The following DPP6 variants were observed in gnomAD, a reference collection of about 807,000 sequenced individuals.
DPP6 encodes the protein A-type potassium channel modulatory protein DPP6.
Under a neutral mutation model 122.6 loss-of-function variants are expected in DPP6, and 69 were observed. The observed-to-expected ratio is 0.56, with a 90% CI of 0.46 to 0.69. The LOEUF is 0.69. Ranked by LOEUF, DPP6 falls within the 30% of genes least tolerant of loss-of-function variation. DPP6 has a pLI of 0.00. For missense variants in DPP6, 928 were observed against 1,116.9 expected, an observed-to-expected ratio of 0.83 and a Z score of 2.41; for synonymous variants, 418 against 433.1, an observed-to-expected ratio of 0.97 and a Z score of 0.43.
intron 3 of DPP6, among the ~76,000 whole-genome samples, chr7:154,527,252 T>A (rs1472111): frequency 0.2 from 30,554 of 152,114 alleles, 3,566 homozygotes; most frequent in Non-Finnish European, 0.27. Flanking sequence ...TCTTGGCCAG[T>A]GGGAGCCTCT....
chr7:153,824,992 G>C, the DPP6 span, among the ~76,000 whole-genome samples: 39 of 151,976 alleles, frequency 2.6e-4, 1 homozygote, highest in Admixed American at 2.4e-3. Context: ...AGAACAGTAA[G>C]AGGGGAGGCA....
intron 1 of DPP6, among the ~76,000 whole-genome samples, chr7:153,959,721 T>A (rs1795249627): frequency 6.6e-6 from 1 of 152,258 alleles, no homozygotes; most frequent in South Asian, 2.1e-4. Context: ...TCACCTTCTA[T>A]GCAGACCACT....
intron 1 of DPP6, among the ~76,000 whole-genome samples, chr7:154,437,607 G>A (rs1276482500): frequency 6.6e-6 from 1 of 152,186 alleles, no homozygotes; most frequent in East Asian, 1.9e-4. Flanking sequence ...CAAAGAAAAT[G>A]TATACATCAA....
At chr7:154,511,538 T>G (rs969406229) in intron 3 of DPP6, among the ~76,000 whole-genome samples, 1 of 152,298 alleles carries the variant, frequency 6.6e-6, no homozygotes, top group Middle Eastern at 3.4e-3. Context: ...TACAGAACCA[T>G]TGTAAATAAT....
chr7:153,926,558 A>T (rs1441617378), intron 1 of DPP6, among the ~76,000 whole-genome samples: 2 of 152,152 alleles, frequency 1.3e-5, no homozygotes, highest in Non-Finnish European at 2.9e-5. Flanking sequence ...AAGAGGTGTG[A>T]TGGAAGTTGA....
chr7:154,160,560 G>A (rs1240677210), intron 1 of DPP6, among the ~76,000 whole-genome samples: 3 of 152,164 alleles, frequency 2.0e-5, no homozygotes, highest in Admixed American at 6.5e-5. Flanking sequence ...ACACATGGCC[G>A]TGAGAGGATG....
At chr7:154,410,465 G>A (rs1161593629) in intron 1 of DPP6, among the ~76,000 whole-genome samples, 1 of 152,124 alleles carries the variant, frequency 6.6e-6, no homozygotes, top group African/African-American at 2.4e-5. Flanking sequence ...TTTCATTTAT[G>A]AGGCAGATGA....
chr7:154,138,948 C>T (rs1323585429), intron 1 of DPP6, among the ~76,000 whole-genome samples: 1 of 152,080 alleles, frequency 6.6e-6, no homozygotes, highest in Non-Finnish European at 1.5e-5. Context: ...CCCTAAACAC[C>T]TCCTGTCACA....
chr7:154,263,942 C>T (rs1243131697), intron 1 of DPP6, among the ~76,000 whole-genome samples: 1 of 152,150 alleles, frequency 6.6e-6, no homozygotes, highest in Non-Finnish European at 1.5e-5. Context: ...CCACCTGCCT[C>T]AGTCTCCCAA....
chr7:153,846,547 C>T, the DPP6 span, among the ~76,000 whole-genome samples: 14,949 of 151,768 alleles, frequency 0.098, 841 homozygotes, highest in South Asian at 0.21. Flanking sequence ...TTTTATGGCC[C>T]GGCACACATT....
In DPP6 at chr7:154,803,920, C is replaced by A; in HGVS notation, c.1464C>A (p.Thr488=). 1 of 1,613,904 alleles carries A rather than the reference C, an allele frequency of 6.2e-7. No homozygotes were observed. The highest frequency in any genetic ancestry group is 8.5e-7 in the Non-Finnish European group (1 of 1,179,848). The change falls in exon 14 of 26, where the codon ACC becomes ACA. Residue 488 remains threonine, a synonymous_variant. Coordinates refer to ENST00000377770, the MANE Select transcript of DPP6 (RefSeq NM_130797.4). ...TCACCTCCGGGGACTGGGACGTGAC[C>A]AAGATCCTAGCCTACGATGAGAAGG... ...QSITSGDWDV[T]KILAYDEKGN...
intron 6 of DPP6, among the ~76,000 whole-genome samples, chr7:154,663,810 G>A (rs1837940522): frequency 8.3e-6 from 1 of 120,962 alleles, no homozygotes; most frequent in African/African-American, 2.8e-5. Flanking sequence ...TATAGTCATG[G>A]TGAATCACCA....
intron 7 of DPP6, among the ~76,000 whole-genome samples, chr7:154,698,968 C>T (rs1271107597): frequency 2.0e-5 from 3 of 152,188 alleles, no homozygotes; most frequent in Non-Finnish European, 4.4e-5. Context: ...AACCTACAGA[C>T]GGGATAACGA....
rs183014884 is a variant in DPP6, at chr7:154,736,753, A to G, written c.883+8866A>G. On this transcript the variant is annotated intron_variant, in intron 8 of 25. Transcript: ENST00000377770. ...CTGTATTTTATATTGTATGTTTCCC[A>G]TAACACCAGTGACTCTCTGAGTACT... is the stretch of plus-strand genomic sequence containing the variant. 1.4e-4 allele frequency among the ~76,000 whole-genome samples: 22 copies of G among 152,372 alleles called. 1 individual carries two copies. The highest frequency in any genetic ancestry group is 1.2e-3 in the Admixed American group (19 of 15,302).
chr7:154,241,219 G>GTGTGTGTATA lies in DPP6; in HGVS notation c.243+188157_243+188158insGTGTGTATAT, dbSNP rs1444102599. 1.5e-3 allele frequency among the ~76,000 whole-genome samples: 213 copies of GTGTGTGTATA among 142,848 alleles called. 2 individuals carry two copies. Among genetic ancestry groups the GTGTGTGTATA allele is most frequent in the African/African-American group, 5.7e-3 (197 of 34,660 alleles). 93.7% of individuals were successfully genotyped at this position (142,848 alleles called of 152,430 possible). ...TGTGTGTGTGTGTGTGTGTGTGTGT[G>GTGTGTGTATA]TATATATATATAGAGAGAGAGAGAG... is the stretch of plus-strand genomic sequence containing the variant. On this transcript the variant is annotated intron_variant, in intron 1 of 25. Transcript: ENST00000377770. This position sits in a 1 kb window ranked among gnomAD's most constrained non-coding sequence, Gnocchi z 9.0.
At chr7:153,898,599 C>T (rs1354162285) in intron 1 of DPP6, among the ~76,000 whole-genome samples, 1 of 152,068 alleles carries the variant, frequency 6.6e-6, no homozygotes, top group Non-Finnish European at 1.5e-5. Context: ...TATGTATCAA[C>T]AAGAAAATGA....
chr7:153,856,526 G>C, the DPP6 span, among the ~76,000 whole-genome samples: 5 of 152,010 alleles, frequency 3.3e-5, no homozygotes, highest in African/African-American at 1.2e-4. Flanking sequence ...ACACATCTGG[G>C]GTATTGGCTA....
chr7:154,119,962 G>T (rs1037189762), intron 1 of DPP6, among the ~76,000 whole-genome samples: 2 of 151,422 alleles, frequency 1.3e-5, no homozygotes, highest in Non-Finnish European at 2.9e-5. Flanking sequence ...CTGCTGACTT[G>T]CAGTGAGTCC....
chr7:154,343,432 G>C (rs1294988643), intron 1 of DPP6, among the ~76,000 whole-genome samples: 1 of 152,244 alleles, frequency 6.6e-6, no homozygotes, highest in African/African-American at 2.4e-5. Context: ...TTTTGAGACA[G>C]TTTGGGTCTC....
Sources: allele counts gnomAD v4.1 joint callset (sites outside exome capture counted in the v4.1 genomes callset), GRCh38; gene constraint gnomAD v4.1.1; non-coding constraint Gnocchi (gnomAD v3.1); transcripts MANE v1.5; gene names NCBI Gene and HGNC (gene_info 2026-07-23, HGNC 2026-07-21).